SORCS2: variants seen among roughly 807,000 people sequenced by gnomAD.
SORCS2 encodes sortilin related VPS10 domain containing receptor 2, also known as VPS10 domain-containing receptor SorCS2.
In SORCS2, 100 loss-of-function variants were observed where a neutral mutation model predicts 141.6. The observed-to-expected ratio is 0.71, with a 90% CI of 0.60 to 0.83. The LOEUF (loss-of-function observed/expected upper bound fraction) is 0.83. SORCS2 is among the 40% of genes least tolerant of loss of function. The probability of loss-of-function intolerance (pLI) is 0.00; values close to 1 mark genes in which losing one functional copy is unlikely to be tolerated. For missense variants in SORCS2, 1,646 were observed against 1,560.2 expected (o/e 1.05, Z -0.93); for synonymous variants, 789 against 676.9 (o/e 1.17, Z -2.57).
At chr4:7,621,687 C>A (rs1245316012) in intron 3 of SORCS2, among the ~76,000 whole-genome samples, 1 of 152,188 alleles carries the variant, frequency 6.6e-6, no homozygotes, top group Admixed American at 6.5e-5. Flanking sequence ...TTTTGCTGAA[C>A]AAAATCCCAC....
intron 3 of SORCS2, among the ~76,000 whole-genome samples, chr4:7,612,627 C>T (rs947147355): frequency 2.6e-5 from 4 of 152,284 alleles, no homozygotes; most frequent in East Asian, 1.9e-4. Context: ...TGGGTGTGCT[C>T]GGCTCCTGCA....
chr4:7,401,954 C>T (rs903880173), intron 2 of SORCS2, among the ~76,000 whole-genome samples: 2 of 152,168 alleles, frequency 1.3e-5, no homozygotes, highest in African/African-American at 4.8e-5. Flanking sequence ...TGGTAGGACA[C>T]ATGCCCAGGT....
intron 3 of SORCS2, among the ~76,000 whole-genome samples, chr4:7,603,041 C>T (rs867480777): frequency 2.6e-5 from 4 of 152,194 alleles, no homozygotes; most frequent in Non-Finnish European, 2.9e-5. Context: ...CGCCTGCAAT[C>T]GCAGGCACTC....
chr4:7,600,915 C>G (rs115505652), intron 3 of SORCS2, among the ~76,000 whole-genome samples: 1,938 of 152,216 alleles, frequency 0.013, 38 homozygotes, highest in African/African-American at 0.044. Flanking sequence ...AGGGTTTGCT[C>G]TAATTAACAG....
intron 9 of SORCS2, among the ~76,000 whole-genome samples, chr4:7,677,935 G>A (rs1346984718): frequency 6.6e-6 from 1 of 152,166 alleles, no homozygotes; most frequent in Non-Finnish European, 1.5e-5. Flanking sequence ...GCCTCCGGAA[G>A]GCAGTGGGTG....
intron 1 of SORCS2, among the ~76,000 whole-genome samples, chr4:7,369,782 G>C (rs574945169): frequency 6.6e-6 from 1 of 152,284 alleles, no homozygotes; most frequent in East Asian, 1.9e-4. Flanking sequence ...GATTTCGTCA[G>C]CGCATCTTCA....
At chr4:7,385,499 C>G (rs1213717539) in intron 1 of SORCS2, among the ~76,000 whole-genome samples, 1 of 152,190 alleles carries the variant, frequency 6.6e-6, no homozygotes, top group East Asian at 1.9e-4. Flanking sequence ...TCCTAGCTCC[C>G]TGGGGGCTGG....
intron 7 of SORCS2, among the ~76,000 whole-genome samples, chr4:7,666,472 G>C (rs1722512575): frequency 1.3e-5 from 2 of 152,266 alleles, no homozygotes; most frequent in South Asian, 4.1e-4. Context: ...CTCCCACCCT[G>C]GTCCTCAGAG....
chr4:7,390,667 G>A (rs142610198), intron 1 of SORCS2, among the ~76,000 whole-genome samples: 1 of 152,358 alleles, frequency 6.6e-6, no homozygotes, highest in Non-Finnish European at 1.5e-5. Flanking sequence ...CTCAGAGGAG[G>A]CACCGTGAAC....
chr4:7,356,112 A>C (rs1012669920), intron 1 of SORCS2, among the ~76,000 whole-genome samples: 8 of 152,292 alleles, frequency 5.3e-5, no homozygotes, highest in African/African-American at 1.9e-4. Context: ...TCCTCCCTGC[A>C]GGTCTCAATG....
Position 7,304,945 on chromosome 4 carries a change from C to T in SORCS2, c.481-91343C>T, listed in dbSNP as rs1005551779. Among the ~76,000 whole-genome samples, 6 of 152,204 alleles carry T rather than the reference C, an allele frequency of 3.9e-5. No homozygotes were observed. In the South Asian group the frequency reaches 1.0e-3, roughly 26 times the overall value. On this transcript the variant is annotated intron_variant, in intron 1 of 26. Transcript: ENST00000507866. ...GCTTCATGCTGGAGGCATCCCGGTT[C>T]CTGCTCGTGAGGGCTTCTGGCGGGG...
intron 1 of SORCS2, among the ~76,000 whole-genome samples, chr4:7,324,464 G>T (rs112098635): frequency 1.3e-5 from 2 of 152,204 alleles, no homozygotes; most frequent in Non-Finnish European, 2.9e-5. Context: ...CACCATCTCC[G>T]CCCAGCCCAG....
rs1711662300 is a variant in SORCS2, at chr4:7,531,649, G to A, written c.648+20G>A. The stretch of plus-strand genomic sequence containing the variant: ...AGGAAGGTAGGTGCTGGCTGGGGGT[G>A]GCCGCCACTCTGGCTCTCGCCTTGT... On this transcript the variant is annotated intron_variant, in intron 3 of 26. Transcript: ENST00000507866. 1 of 1,606,712 alleles carries A rather than the reference G, an allele frequency of 6.2e-7. No individual in the cohort carries two copies.
chr4:7,671,943 T>G (rs1560471629), intron 8 of SORCS2, among the ~76,000 whole-genome samples: 1 of 81,088 alleles, frequency 1.2e-5, no homozygotes, highest in African/African-American at 2.2e-4. Flanking sequence ...GACAGAAACT[T>G]TTTTTTTTTT....
At chr4:7,388,291 A>T (rs1200756361) in intron 1 of SORCS2, among the ~76,000 whole-genome samples, 2 of 152,186 alleles carry the variant, frequency 1.3e-5, no homozygotes. Flanking sequence ...CTCAGCCTGA[A>T]TCCCCTCTGG....
At chr4:7,611,062 G>A (rs776313228) in intron 3 of SORCS2, among the ~76,000 whole-genome samples, 1 of 152,188 alleles carries the variant, frequency 6.6e-6, no homozygotes, top group Non-Finnish European at 1.5e-5. Context: ...AAGCAGGATG[G>A]CCTGCAGCCA....
At chr4:7,368,258 T>C (rs1722024323) in intron 1 of SORCS2, among the ~76,000 whole-genome samples, 1 of 152,158 alleles carries the variant, frequency 6.6e-6, no homozygotes, top group Non-Finnish European at 1.5e-5. Flanking sequence ...GGAGCTGGCA[T>C]CAGCAATCCA....
chr4:7,520,916 C>T (rs1178301171), intron 2 of SORCS2, among the ~76,000 whole-genome samples: 1 of 152,220 alleles, frequency 6.6e-6, no homozygotes, highest in African/African-American at 2.4e-5. Context: ...GGGTGGGTGC[C>T]ATGCCACCCC....
At chr4:7,259,055 A>T (rs546684762) in intron 1 of SORCS2, among the ~76,000 whole-genome samples, 2 of 151,918 alleles carry the variant, frequency 1.3e-5, no homozygotes, top group South Asian at 4.2e-4. Flanking sequence ...GATTGCAAAA[A>T]TTTTCTCCTA....
Sources: gnomAD v4.1 joint callset for allele counts (sites outside exome capture counted in the v4.1 genomes callset) on GRCh38, gnomAD v4.1.1 for gene constraint, MANE v1.5 for transcripts, NCBI Gene and HGNC (gene_info 2026-07-23, HGNC 2026-07-21) for gene names.